MICAL3: variants seen among roughly 807,000 people sequenced by gnomAD.
MICAL3 encodes the protein [F-actin]-monooxygenase MICAL3.
A neutral mutation model predicts 207.4 loss-of-function variants in MICAL3; 62 were observed. The observed-to-expected ratio is 0.30, with a 90% CI of 0.24 to 0.37. The LOEUF (loss-of-function observed/expected upper bound fraction) is 0.37. Ranked by LOEUF, MICAL3 falls within the 10% of genes least tolerant of loss-of-function variation. The probability of loss-of-function intolerance (pLI) is 1.00; values close to 1 mark genes in which losing one functional copy is unlikely to be tolerated. For synonymous variants in MICAL3, 1,077 were observed against 1,069.3 expected (o/e 1.01, Z -0.14); for missense variants, 2,368 against 2,635.6 (o/e 0.90, Z 2.22).
chr22:17,842,470 C>T (rs113882265), intron 19 of MICAL3: 14 of 180,698 alleles, frequency 7.7e-5, no homozygotes, highest in African/African-American at 2.8e-4. Flanking sequence ...CAAGTCCCCA[C>T]CAGGCACGTG....
intron 1 of MICAL3, among the ~76,000 whole-genome samples, chr22:17,940,515 G>T (rs777601163): frequency 6.6e-6 from 1 of 152,150 alleles, no homozygotes; most frequent in Non-Finnish European, 1.5e-5. Context: ...CAAACCCAAA[G>T]ATGAAAGGGA....
rs184309861 is a variant in MICAL3, at chr22:17,853,180, G to A, written c.2606-11163C>T. Among the ~76,000 whole-genome samples, 457 of 152,294 alleles carry A rather than the reference G, an allele frequency of 3.0e-3. 1 individual carries two copies. The highest frequency in any genetic ancestry group is 0.011 in the African/African-American group (440 of 41,546). On this transcript the variant is annotated intron_variant, in intron 19 of 31. Coordinates refer to ENST00000441493, the MANE Select transcript of MICAL3 (RefSeq NM_015241.3). ...CCCCTAGGGTGTCATAGAATCAGTA[G>A]GTGACTTCACATCCCATTCACGCAG...
chr22:17,875,750 T>G (rs893511304), intron 16 of MICAL3, among the ~76,000 whole-genome samples: 1 of 151,182 alleles, frequency 6.6e-6, no homozygotes. Flanking sequence ...CCGTTTTGCT[T>G]TTAACTGTCC....
intron 17 of MICAL3, among the ~76,000 whole-genome samples, chr22:17,868,662 C>T (rs546876336): frequency 6.6e-6 from 1 of 152,120 alleles, no homozygotes; most frequent in Admixed American, 6.5e-5. Flanking sequence ...CTCAATGGTC[C>T]AAATTAAGGA....
chr22:17,816,900 A>G, intron 26 of MICAL3, 116 bp from the exon 27 acceptor site: 1 of 772,470 alleles, frequency 1.3e-6, no homozygotes, highest in East Asian at 2.7e-5. Context: ...GATTCATTTT[A>G]GTTTAAGGGA....
chr22:17,862,138 G>T (rs1458026030), intron 19 of MICAL3: 1 of 985,268 alleles, frequency 1.0e-6, no homozygotes, highest in Admixed American at 6.1e-5. Flanking sequence ...AGAATCAAGT[G>T]CCGTCATCAT....
At chr22:17,821,117 AAC>A (rs1360632121) in intron 25 of MICAL3, among the ~76,000 whole-genome samples, 4 of 152,070 alleles carry the variant, frequency 2.6e-5, no homozygotes, top group Admixed American at 1.3e-4. Flanking sequence ...ATGTGGACCT[AAC>A]ACAGTGACAC....
In MICAL3 at chr22:17,877,360, TGGAGGTTAG is replaced by T. The variant is rs1187576294; in HGVS notation, c.2242-5346_2242-5338del. Reference sequence around the variant, plus strand: ...GAGGTTAGGGAGGTTAGGGAGGTTATGGAGGTTAGGGAGGTGAGGGAGGTTATGGAGGTT... The same window carrying T: ...GAGGTTAGGGAGGTTAGGGAGGTTATGGAGGTGAGGGAGGTTATGGAGGTT... On this transcript the variant is annotated intron_variant, in intron 16 of 31. Coordinates refer to ENST00000441493, the MANE Select transcript of MICAL3 (RefSeq NM_015241.3). 2.0e-3 allele frequency among the ~76,000 whole-genome samples: 19 copies of T among 9,278 alleles called. 1 individual carries two copies. The highest frequency in any genetic ancestry group is 3.7e-3 in the Admixed American group (3 of 818). 6.1% of individuals were successfully genotyped at this position (9,278 alleles called of 152,430 possible). A position where few individuals can be genotyped will look rare whatever the true frequency, so the allele number is the denominator to read the frequency against.
Position 17,818,026 on chromosome 22 carries a change from C to A in MICAL3, c.4635G>T (p.Thr1545=), listed in dbSNP as rs371694426. 1 of 1,612,592 alleles carries A rather than the reference C, an allele frequency of 6.2e-7. No individual in the cohort carries two copies. Among genetic ancestry groups the A allele is most frequent in the Non-Finnish European group, 8.5e-7 (1 of 1,179,752 alleles). The change falls in exon 26 of 32, where the codon ACG becomes ACT. Residue 1545 remains threonine, a synonymous_variant. Transcript: ENST00000441493. Reference sequence around the variant, plus strand: ...CGGGGCGCGGCCAGCAGGACGGGGGCGTGAAGAATTTCTCCTGCAGGCTTG... The same window carrying A: ...CGGGGCGCGGCCAGCAGGACGGGGGAGTGAAGAATTTCTCCTGCAGGCTTG... ...EDSSLQEKFF[T]PPSCWPRPEK... is the part of the protein sequence containing the mutation.
At chr22:17,802,383 CAT>C (rs139901212) in intron 29 of MICAL3, among the ~76,000 whole-genome samples, 2,148 of 152,266 alleles carry the variant, frequency 0.014, 39 homozygotes, top group African/African-American at 0.047. Flanking sequence ...TTAGAATAGA[CAT>C]AAACACTCCC....
At chr22:17,960,686 T>G (rs1934867605) in intron 1 of MICAL3, among the ~76,000 whole-genome samples, 1 of 147,286 alleles carries the variant, frequency 6.8e-6, no homozygotes. Context: ...ACCATGGGGG[T>G]GAGAGGGTGG....
chr22:17,971,010 C>T lies in MICAL3; in HGVS notation c.-75+53271G>A, dbSNP rs545108663. On this transcript the variant is annotated intron_variant, in intron 1 of 31. Coordinates refer to ENST00000441493, the MANE Select transcript of MICAL3 (RefSeq NM_015241.3). ...CAGCCTGGGAAACACGGCAAAACCC[C>T]GCCTCTGCCAAAAAAATTAGCTGGG... 2.0e-5 allele frequency among the ~76,000 whole-genome samples: 3 copies of T among 152,140 alleles called. No homozygotes were observed. In the East Asian group the frequency reaches 5.8e-4, roughly 29 times the overall value.
intron 25 of MICAL3, among the ~76,000 whole-genome samples, 180 bp from the exon 26 acceptor site, chr22:17,819,309 T>G (rs1921286587): frequency 6.6e-6 from 1 of 152,174 alleles, no homozygotes. Flanking sequence ...CTCCAGGTGT[T>G]CAGTGTTTAG....
chr22:17,850,187 A>T (rs932978590), intron 19 of MICAL3, among the ~76,000 whole-genome samples: 6 of 152,102 alleles, frequency 3.9e-5, no homozygotes, highest in African/African-American at 1.4e-4. Flanking sequence ...GAGGCCAAAG[A>T]GGAAAAAACC....
At chr22:17,845,371 G>A (rs1924521988) in intron 19 of MICAL3, among the ~76,000 whole-genome samples, 2 of 152,164 alleles carry the variant, frequency 1.3e-5, no homozygotes, top group African/African-American at 4.8e-5. Flanking sequence ...AATTCTACTA[G>A]GACCACGGGA....
rs1194453615 is a variant in MICAL3, at chr22:17,850,069, T to G, written c.2606-8052A>C. Among the ~76,000 whole-genome samples, 10 of 152,282 alleles carry G rather than the reference T, an allele frequency of 6.6e-5. No homozygotes were observed. In the East Asian group the frequency reaches 1.9e-3, roughly 29 times the overall value. On this transcript the variant is annotated intron_variant, in intron 19 of 31. Coordinates refer to ENST00000441493, the MANE Select transcript of MICAL3 (RefSeq NM_015241.3). ...TAACTTTACTTGTATGTCGGGGCAC[T>G]GAGAATAGTGGGAAAGCAGGTGACA...
intron 1 of MICAL3, among the ~76,000 whole-genome samples, chr22:18,000,587 C>T (rs1922847995): frequency 6.6e-6 from 1 of 152,218 alleles, no homozygotes; most frequent in African/African-American, 2.4e-5. Context: ...TTCTGCTAGG[C>T]CAGGCAAGCC....
chr22:17,942,266 G>C (rs1933843126), intron 1 of MICAL3, among the ~76,000 whole-genome samples: 1 of 152,164 alleles, frequency 6.6e-6, no homozygotes, highest in Non-Finnish European at 1.5e-5. Context: ...GACCGTGGCT[G>C]TCCAGCCAGC....
chr22:17,830,439 C>A (rs868487315), intron 21 of MICAL3, among the ~76,000 whole-genome samples: 1 of 152,220 alleles, frequency 6.6e-6, no homozygotes, highest in African/African-American at 2.4e-5. Flanking sequence ...AAGGAAAGCT[C>A]GGCTCAACTC....
Sources: allele counts gnomAD v4.1 joint callset (sites outside exome capture counted in the v4.1 genomes callset), GRCh38; gene constraint gnomAD v4.1.1; transcripts MANE v1.5; gene names NCBI Gene and HGNC (gene_info 2026-07-23, HGNC 2026-07-21).